The following APBB2 variants were observed in gnomAD, a reference collection of about 807,000 sequenced individuals.
APBB2 encodes amyloid beta precursor protein binding family B member 2.
A neutral mutation model predicts 82.5 loss-of-function variants in APBB2; 38 were observed. The observed-to-expected ratio is 0.46, with a 90% CI of 0.36 to 0.60. APBB2 has a LOEUF of 0.60. Among genes scored for constraint, APBB2 ranks in the 20% least tolerant of loss-of-function variants. APBB2 has a pLI of 0.00. For synonymous variants in APBB2, 341 were observed against 368.2 expected (o/e 0.93, Z 0.85); for missense variants, 772 against 972.3 (o/e 0.79, Z 2.74).
chr4:40,940,258 T>C (rs978805113), intron 7 of APBB2, among the ~76,000 whole-genome samples: 13 of 152,154 alleles, frequency 8.5e-5, no homozygotes, highest in African/African-American at 2.9e-4. Context: ...CAAATAATTT[T>C]TGAGGAAGGG....
chr4:41,211,650 T>C (rs1274239872), intron 1 of APBB2, among the ~76,000 whole-genome samples: 1 of 151,874 alleles, frequency 6.6e-6, no homozygotes, highest in Non-Finnish European at 1.5e-5. Context: ...ACCCGGCTAA[T>C]TTTTGTATTT....
chr4:41,180,322 T>C (rs1279463376), intron 1 of APBB2, among the ~76,000 whole-genome samples: 4 of 152,136 alleles, frequency 2.6e-5, no homozygotes, highest in Admixed American at 6.5e-5. Flanking sequence ...AGAGTAAACT[T>C]GGCTGGACAC....
intron 6 of APBB2, among the ~76,000 whole-genome samples, chr4:40,965,964 T>C (rs1357979214): frequency 6.6e-6 from 1 of 152,148 alleles, no homozygotes; most frequent in East Asian, 1.9e-4. Context: ...CTTTTACCCT[T>C]CTCTAGAATT....
At chr4:41,044,147 G>C (rs1384326868) in intron 4 of APBB2, among the ~76,000 whole-genome samples, 1 of 152,050 alleles carries the variant, frequency 6.6e-6, no homozygotes, top group African/African-American at 2.4e-5. Flanking sequence ...TCATCTACTG[G>C]GTGGAAAAAT....
chr4:41,084,335 A>C (rs997668708), intron 3 of APBB2, among the ~76,000 whole-genome samples: 1 of 152,192 alleles, frequency 6.6e-6, no homozygotes, highest in Non-Finnish European at 1.5e-5. Flanking sequence ...GAAGCAGGAG[A>C]CTTGCTTGAA....
chr4:41,180,531 G>C (rs542155781), intron 1 of APBB2, among the ~76,000 whole-genome samples: 4 of 152,222 alleles, frequency 2.6e-5, no homozygotes, highest in Non-Finnish European at 4.4e-5. Context: ...CTACTTGATG[G>C]GGGGGCAGAG....
intron 6 of APBB2, among the ~76,000 whole-genome samples, chr4:40,946,125 G>C (rs13122073): frequency 0.22 from 33,097 of 151,744 alleles, 4,457 homozygotes; most frequent in East Asian, 0.49. Context: ...CCAGTTACTC[G>C]GGAGGTGGAG....
chr4:40,908,086 T>A (rs551620547), intron 10 of APBB2, among the ~76,000 whole-genome samples: 1 of 151,560 alleles, frequency 6.6e-6, no homozygotes, highest in South Asian at 2.1e-4. Flanking sequence ...TGTGTGTATG[T>A]GTCTGTGTGT....
At chr4:41,001,697 G>T (rs1239875769) in intron 6 of APBB2, among the ~76,000 whole-genome samples, 1 of 152,094 alleles carries the variant, frequency 6.6e-6, no homozygotes, top group South Asian at 2.1e-4. Context: ...GGCCAACCTG[G>T]TGAAACTCTG....
intron 1 of APBB2, among the ~76,000 whole-genome samples, chr4:41,172,163 AT>A (rs1260313493): frequency 1.3e-5 from 2 of 152,068 alleles, no homozygotes; most frequent in African/African-American, 4.8e-5. Flanking sequence ...AAAGACCAAA[AT>A]CCTGGTCACT....
intron 1 of APBB2, among the ~76,000 whole-genome samples, chr4:41,185,760 T>G (rs1164372138): frequency 6.6e-6 from 1 of 152,238 alleles, no homozygotes; most frequent in Non-Finnish European, 1.5e-5. Flanking sequence ...AAAGCTGATT[T>G]CTACCTGGTC....
In APBB2 at chr4:40,832,013, T is replaced by TATACACACACACACACACACACACAC. The variant is rs777910826; in HGVS notation, c.1530-1437_1530-1436insGTGTGTGTGTGTGTGTGTGTGTGTAT. Among the ~76,000 whole-genome samples the TATACACACACACACACACACACACAC allele has an allele frequency of 3.3e-4, 46 of 138,980 alleles. No homozygotes were observed. Among genetic ancestry groups the TATACACACACACACACACACACACAC allele is most frequent in the Admixed American group, 6.6e-4 (9 of 13,672 alleles). The allele number at this position is 138,980 out of a possible 152,430, so 91.2% of individuals were successfully genotyped here. The stretch of plus-strand genomic sequence containing the variant: ...ACACATATTTATATATTTATTTATA[T>TATACACACACACACACACACACACAC]ACACACACACACACACACACACACA... On this transcript the variant is annotated intron_variant, in intron 12 of 17. Transcript: ENST00000508593. This position sits in a 1 kb window ranked among gnomAD's most constrained non-coding sequence, Gnocchi z 4.8.
chr4:40,880,793 C>G (rs1029720678), intron 12 of APBB2: 15 of 985,298 alleles, frequency 1.5e-5, no homozygotes, highest in Non-Finnish European at 1.8e-5. Flanking sequence ...CTTGACACAA[C>G]AGCCTCAAGC....
chr4:40,846,729 T>C (rs1757785649), intron 12 of APBB2, among the ~76,000 whole-genome samples: 1 of 152,192 alleles, frequency 6.6e-6, no homozygotes, highest in African/African-American at 2.4e-5. Flanking sequence ...GTTGAGGTTA[T>C]TGAAATTCAA....
intron 6 of APBB2, among the ~76,000 whole-genome samples, chr4:41,001,028 G>A (rs62412088): frequency 0.042 from 6,362 of 152,240 alleles, 268 homozygotes; most frequent in African/African-American, 0.11. Flanking sequence ...ACACTGGTCA[G>A]AGGTCCCCCA....
intron 12 of APBB2, among the ~76,000 whole-genome samples, chr4:40,840,141 C>T (rs369008479): frequency 4.6e-4 from 70 of 152,316 alleles, no homozygotes; most frequent in East Asian, 2.7e-3. Context: ...ATCCAAACAT[C>T]GCACTTCTGG....
intron 3 of APBB2, among the ~76,000 whole-genome samples, chr4:41,070,884 TC>T (rs1454905435): frequency 6.6e-6 from 1 of 152,170 alleles, no homozygotes; most frequent in Non-Finnish European, 1.5e-5. Context: ...ATGCAAGCCA[TC>T]AAGGAAAGGA....
At chr4:40,971,973 G>C (rs1796029171) in intron 6 of APBB2, among the ~76,000 whole-genome samples, 3 of 152,150 alleles carry the variant, frequency 2.0e-5, no homozygotes, top group African/African-American at 7.2e-5. Context: ...AGAGTGACCA[G>C]AGAAAACTAA....
Position 40,876,382 on chromosome 4 carries a change from T to C in APBB2, c.1529+13982A>G, listed in dbSNP as rs145336070. 3.0e-4 allele frequency among the ~76,000 whole-genome samples: 46 copies of C among 152,342 alleles called. 1 individual carries two copies. In the East Asian group the frequency reaches 8.1e-3, roughly 27 times the overall value. On this transcript the variant is annotated intron_variant, in intron 12 of 17. Coordinates refer to ENST00000508593, the MANE Select transcript of APBB2 (RefSeq NM_004307.2). ...CTGCCTTCTGTCCTTTCCCAGGTAATCACTGAACTGCCTTCTGTCACTACA... is the reference window on the plus strand; with the variant it reads ...CTGCCTTCTGTCCTTTCCCAGGTAACCACTGAACTGCCTTCTGTCACTACA...
Sources: gnomAD v4.1 joint callset for allele counts (sites outside exome capture counted in the v4.1 genomes callset) on GRCh38, gnomAD v4.1.1 for gene constraint, Gnocchi (gnomAD v3.1) non-coding constraint, MANE v1.5 for transcripts, NCBI Gene and HGNC (gene_info 2026-07-23, HGNC 2026-07-21) for gene names.